SCARB1: variants seen among roughly 807,000 people sequenced by gnomAD.
SCARB1 encodes the protein CD36 and LIMPII analogous 1.
A neutral mutation model predicts 57.2 loss-of-function variants in SCARB1; 30 were observed. The ratio of observed to expected loss-of-function variants is 0.52; its 90% CI spans 0.39 to 0.71. The LOEUF is 0.71. Ranked by LOEUF, SCARB1 falls within the 30% of genes least tolerant of loss-of-function variation. The probability of loss-of-function intolerance (pLI) is 0.00; values close to 1 mark genes in which losing one functional copy is unlikely to be tolerated. For missense variants in SCARB1, 543 were observed against 671.2 expected (o/e 0.81, Z 2.11); for synonymous variants, 249 against 268.3 (o/e 0.93, Z 0.70).
chr12:124,800,039 G>A lies in SCARB1; in HGVS notation c.1128+85C>T. The A allele has an allele frequency of 9.7e-7, 1 of 1,033,406 alleles. No homozygotes were observed. The highest frequency in any genetic ancestry group is 1.5e-6 in the Non-Finnish European group (1 of 653,884). 64.0% of individuals were successfully genotyped at this position (1,033,406 alleles called of 1,614,324 possible). ...CTTCCCACCACCCCAGCCCACAGCAGCTCTCTGCCTGGGGAGAGAGGAGGC... is the reference window on the plus strand; with the variant it reads ...CTTCCCACCACCCCAGCCCACAGCAACTCTCTGCCTGGGGAGAGAGGAGGC... On this transcript the variant is annotated intron_variant, in intron 8 of 12. Transcript: ENST00000261693. The surrounding 1 kb of genome is among the most constrained non-coding windows in gnomAD (Gnocchi z 4.8).
intron 1 of SCARB1, among the ~76,000 whole-genome samples, chr12:124,826,551 C>T (rs1367084197): frequency 6.6e-6 from 1 of 152,114 alleles, no homozygotes; most frequent in Non-Finnish European, 1.5e-5. Context: ...TCAAGCAATC[C>T]TCTCACCTCA....
At chr12:124,779,065 C>G (rs888076611) in intron 12 of SCARB1, among the ~76,000 whole-genome samples, 1 of 152,230 alleles carries the variant, frequency 6.6e-6, no homozygotes, top group Non-Finnish European at 1.5e-5. Flanking sequence ...ATCCTCCCAC[C>G]TCGGCCTCCC....
intron 11 of SCARB1, 191 bp downstream of exon 11, chr12:124,786,166 C>T (rs577845545): frequency 1.7e-5 from 27 of 1,561,040 alleles, no homozygotes; most frequent in South Asian, 4.6e-5. Flanking sequence ...AGTGGCAACG[C>T]GGCATGCAAA....
At chr12:124,847,149 A>G (rs1952196210) in intron 1 of SCARB1, among the ~76,000 whole-genome samples, 1 of 152,254 alleles carries the variant, frequency 6.6e-6, no homozygotes. Flanking sequence ...CACTTTCCTC[A>G]AAGTGAGCAA....
At chr12:124,791,825 G>A (rs886814357) in intron 9 of SCARB1, among the ~76,000 whole-genome samples, 5 of 152,014 alleles carry the variant, frequency 3.3e-5, no homozygotes, top group Non-Finnish European at 5.9e-5. Flanking sequence ...GCGTGGTGGC[G>A]GGCACCTGTA....
intron 1 of SCARB1, among the ~76,000 whole-genome samples, chr12:124,846,473 G>A (rs1041945125): frequency 3.3e-5 from 5 of 152,170 alleles, no homozygotes; most frequent in Middle Eastern, 3.4e-3. Flanking sequence ...TGAACTGGCC[G>A]GGCGTGGTGG....
chr12:124,840,184 C>T (rs1039654442), intron 1 of SCARB1, among the ~76,000 whole-genome samples: 6 of 147,514 alleles, frequency 4.1e-5, no homozygotes, highest in African/African-American at 7.6e-5. Flanking sequence ...TGGCTATCTG[C>T]ATTTTTTTTT....
rs1378485343 is a variant in SCARB1, at chr12:124,822,452, G to A, written c.127-4745C>T. On this transcript the variant is annotated intron_variant, in intron 1 of 12. Coordinates refer to ENST00000261693, the MANE Select transcript of SCARB1 (RefSeq NM_005505.5). This position sits in a 1 kb window ranked among gnomAD's most constrained non-coding sequence, Gnocchi z 5.0. Reference sequence around the variant, plus strand: ...TACACAACACCATTTCCGCGACATCGGGGAAAGGGAATACTCTAGAGAGAG... The same window carrying A: ...TACACAACACCATTTCCGCGACATCAGGGAAAGGGAATACTCTAGAGAGAG... Among the ~76,000 whole-genome samples, 6 of 152,154 alleles carry A rather than the reference G, an allele frequency of 3.9e-5. No homozygotes were observed. Among genetic ancestry groups the A allele is most frequent in the Admixed American group, 1.3e-4 (2 of 15,278 alleles).
intron 1 of SCARB1, among the ~76,000 whole-genome samples, chr12:124,841,296 A>C (rs977963128): frequency 9.9e-5 from 15 of 151,232 alleles, no homozygotes; most frequent in South Asian, 2.1e-4. Flanking sequence ...GGCATGAACC[A>C]GGGAGGCGGA....
chr12:124,832,517 C>G (rs10744180), intron 1 of SCARB1, among the ~76,000 whole-genome samples: 84,654 of 121,640 alleles, frequency 0.7, 25,316 homozygotes, highest in Middle Eastern at 0.81. Context: ...GAGACTTGGT[C>G]TCAAAAAAAA....
Position 124,787,394 on chromosome 12 carries a change from A to G in SCARB1, c.1254+12T>C. ...ACAAAAGCCCCCGACGCTGTGCCCAACGCACCCTTACCTCTGCAAACCAGA... is the reference window on the plus strand; with the variant it reads ...ACAAAAGCCCCCGACGCTGTGCCCAGCGCACCCTTACCTCTGCAAACCAGA... On this transcript the variant is annotated intron_variant, in intron 10 of 12. Transcript: ENST00000261693. 1.9e-6 allele frequency: 3 copies of G among 1,613,484 alleles called. No individual in the cohort carries two copies. The highest frequency in any genetic ancestry group is 2.5e-6 in the Non-Finnish European group (3 of 1,179,762).
intron 1 of SCARB1, among the ~76,000 whole-genome samples, chr12:124,833,461 T>C (rs1447308750): frequency 2.0e-5 from 3 of 152,134 alleles, no homozygotes; most frequent in Admixed American, 6.5e-5. Flanking sequence ...GTGCTGGGAT[T>C]ACAGGTGTGA....
rs1399318537 is a variant in SCARB1 at position 124,807,331 on chromosome 12, A to G, written c.1009+430T>C. Among the ~76,000 whole-genome samples the G allele has an allele frequency of 1.3e-5, 2 of 152,150 alleles. No individual in the cohort carries two copies. Among genetic ancestry groups the G allele is most frequent in the African/African-American group, 2.4e-5 (1 of 41,440 alleles). On this transcript the variant is annotated intron_variant, in intron 7 of 12. Transcript: ENST00000261693. This position sits in a 1 kb window ranked among gnomAD's most constrained non-coding sequence, Gnocchi z 5.3. ...AGGAGAGGAAGAGATATGAGGACAGAGTGGATCAGAAGGATGCCATGTTGC... is the reference window on the plus strand; with the variant it reads ...AGGAGAGGAAGAGATATGAGGACAGGGTGGATCAGAAGGATGCCATGTTGC...
At chr12:124,829,366 TC>T (rs1951294740) in intron 1 of SCARB1, among the ~76,000 whole-genome samples, 1 of 152,026 alleles carries the variant, frequency 6.6e-6, no homozygotes, top group African/African-American at 2.4e-5. Context: ...CGCCCCGTTC[TC>T]CCCACAGAAT....
At position 124,778,401 on chromosome 12, in the gene SCARB1, C is replaced by A; in HGVS notation, c.*186G>T. On this transcript the variant is annotated 3_prime_UTR_variant, in exon 13 of 13. Coordinates refer to ENST00000261693, the MANE Select transcript of SCARB1 (RefSeq NM_005505.5). Reference sequence around the variant, plus strand: ...CCCTGAGTGTCTGCACAAGCCTGCACGCATGTGTGTATGTGTGCCAGGGCG... The same window carrying A: ...CCCTGAGTGTCTGCACAAGCCTGCAAGCATGTGTGTATGTGTGCCAGGGCG... 1.6e-6 allele frequency: 2 copies of A among 1,253,610 alleles called. No homozygotes were observed. Among genetic ancestry groups the A allele is most frequent in the Non-Finnish European group, 2.0e-6 (2 of 994,686 alleles). The allele number at this position is 1,253,610 out of a possible 1,614,324, so 77.7% of individuals were successfully genotyped here.
chr12:124,811,826 T>TC, intron 5 of SCARB1, 44 bp downstream of exon 5: 1 of 1,388,430 alleles, frequency 7.2e-7, no homozygotes, highest in Non-Finnish European at 1.0e-6. Flanking sequence ...GGGCCCACCC[T>TC]CCCCTCTCCC....
intron 12 of SCARB1, among the ~76,000 whole-genome samples, chr12:124,778,936 G>GT (rs931638463): frequency 6.6e-6 from 1 of 152,132 alleles, no homozygotes; most frequent in Non-Finnish European, 1.5e-5. Context: ...GGAGGAGAAC[G>GT]TATGTTTATG....
At chr12:124,846,390 C>A (rs1952154514) in intron 1 of SCARB1, among the ~76,000 whole-genome samples, 1 of 152,116 alleles carries the variant, frequency 6.6e-6, no homozygotes, top group Non-Finnish European at 1.5e-5. Flanking sequence ...GGCACATGTC[C>A]CTTGCAGGCA....
At chr12:124,834,831 C>A (rs1488010299) in intron 1 of SCARB1, among the ~76,000 whole-genome samples, 2 of 152,068 alleles carry the variant, frequency 1.3e-5, no homozygotes. Flanking sequence ...TTGCTTGGGC[C>A]CAGAAGGTCG....
Sources: gnomAD v4.1 joint callset for allele counts (sites outside exome capture counted in the v4.1 genomes callset) on GRCh38, gnomAD v4.1.1 for gene constraint, Gnocchi (gnomAD v3.1) non-coding constraint, MANE v1.5 for transcripts, NCBI Gene and HGNC (gene_info 2026-07-23, HGNC 2026-07-21) for gene names.